MACROD2: variants seen among roughly 807,000 people sequenced by gnomAD.
MACROD2 encodes the protein ADP-ribose glycohydrolase MACROD2.
Under a neutral mutation model 70.4 loss-of-function variants are expected in MACROD2, and 36 were observed. That is an observed-to-expected ratio of 0.51 (90% CI 0.39 to 0.68). The LOEUF (loss-of-function observed/expected upper bound fraction) is 0.68. Among genes scored for constraint, MACROD2 ranks in the 30% least tolerant of loss-of-function variants. MACROD2 has a pLI of 0.00. For synonymous variants in MACROD2, 172 were observed against 178.8 expected, an observed-to-expected ratio of 0.96 and a Z score of 0.30; for missense variants, 496 against 538.4, an observed-to-expected ratio of 0.92 and a Z score of 0.78.
At position 15,876,200 on chromosome 20, in the gene MACROD2, G is replaced by A. The variant is rs145812522; in HGVS notation, c.728-9564G>A. Among the ~76,000 whole-genome samples the A allele has an allele frequency of 3.7e-4, 55 of 149,890 alleles. 2 individuals are homozygous for A. The highest frequency in any genetic ancestry group is 5.0e-4 in the Non-Finnish European group (34 of 67,748). On this transcript the variant is annotated intron_variant, in intron 9 of 17. Transcript: ENST00000684519. Reference sequence around the variant, plus strand: ...TACATATGTATACATGTGCCATGTCGGTGTGCTGCACCCATTAACTCGTCA... The same window carrying A: ...TACATATGTATACATGTGCCATGTCAGTGTGCTGCACCCATTAACTCGTCA...
intron 3 of MACROD2, among the ~76,000 whole-genome samples, chr20:14,363,989 A>C (rs1372088683): frequency 6.6e-6 from 1 of 152,122 alleles, no homozygotes; most frequent in Non-Finnish European, 1.5e-5. Flanking sequence ...TGCCTTGGCC[A>C]CACCCTGTAC....
intron 10 of MACROD2, among the ~76,000 whole-genome samples, chr20:15,892,437 A>T (rs1182534678): frequency 6.6e-6 from 1 of 152,240 alleles, no homozygotes. Context: ...GGACATACAG[A>T]AGTTGTTTAG....
intron 6 of MACROD2, among the ~76,000 whole-genome samples, chr20:15,269,162 C>G (rs2077323557): frequency 6.6e-6 from 1 of 152,228 alleles, no homozygotes; most frequent in Admixed American, 6.5e-5. Context: ...CTCTGTGGGA[C>G]ACACATGGAA....
intron 5 of MACROD2, among the ~76,000 whole-genome samples, chr20:14,989,573 G>A (rs1057119100): frequency 2.6e-5 from 4 of 152,182 alleles, no homozygotes; most frequent in Non-Finnish European, 5.9e-5. Context: ...CTGTAACCAA[G>A]GGGTAGAAGA....
At chr20:15,278,178 G>A (rs1254368335) in intron 6 of MACROD2, among the ~76,000 whole-genome samples, 2 of 152,168 alleles carry the variant, frequency 1.3e-5, no homozygotes, top group East Asian at 3.8e-4. Flanking sequence ...CTGAGCTATG[G>A]AGTTCTGAAG....
At chr20:15,195,709 G>A (rs1385043214) in intron 5 of MACROD2, among the ~76,000 whole-genome samples, 1 of 152,134 alleles carries the variant, frequency 6.6e-6, no homozygotes, top group African/African-American at 2.4e-5. Flanking sequence ...ATACCATTTG[G>A]CCGAGCAAAC....
intron 8 of MACROD2, among the ~76,000 whole-genome samples, chr20:15,706,591 T>C (rs1784534279): frequency 6.6e-6 from 1 of 152,210 alleles, no homozygotes; most frequent in African/African-American, 2.4e-5. Flanking sequence ...GATTCTCTCA[T>C]AGAAAAGGAA....
At chr20:15,377,476 A>C (rs954812539) in intron 6 of MACROD2, among the ~76,000 whole-genome samples, 4 of 152,190 alleles carry the variant, frequency 2.6e-5, no homozygotes, top group African/African-American at 9.7e-5. Context: ...ATTATGGAGG[A>C]ATTAGTTTTT....
At position 14,644,335 on chromosome 20, in the gene MACROD2, C is replaced by G. The variant is rs1985258461; in HGVS notation, c.302-40508C>G. The stretch of plus-strand genomic sequence containing the variant: ...TGTGATCAAAAATGTGAGTGCCAAT[C>G]TTCAAAAGCCCATTTCAAAGCTTGT... On this transcript the variant is annotated intron_variant, in intron 4 of 17. Coordinates refer to ENST00000684519, the MANE Select transcript of MACROD2 (RefSeq NM_001351661.2). 1.3e-5 allele frequency among the ~76,000 whole-genome samples: 2 copies of G among 152,176 alleles called. 1 individual carries two copies. The highest frequency in any genetic ancestry group is 4.1e-4 in the South Asian group (2 of 4,824).
chr20:14,682,753 T>A (rs1183528828), intron 4 of MACROD2, among the ~76,000 whole-genome samples: 1 of 152,198 alleles, frequency 6.6e-6, no homozygotes, highest in East Asian at 1.9e-4. Flanking sequence ...GTGACATCCT[T>A]GTATACGTAT....
intron 5 of MACROD2, among the ~76,000 whole-genome samples, chr20:14,959,906 C>A (rs1169495793): frequency 1.3e-5 from 2 of 152,162 alleles, no homozygotes. Flanking sequence ...AAGAGGTAGC[C>A]TTAGGCCTAG....
chr20:13,995,914 G>A lies in MACROD2; in HGVS notation c.46+105G>A, dbSNP rs2052633874. The A allele has an allele frequency of 5.2e-6, 7 of 1,353,458 alleles. No homozygotes were observed. The highest frequency in any genetic ancestry group is 6.2e-6 in the Non-Finnish European group (6 of 973,764). 83.8% of individuals were successfully genotyped at this position (1,353,458 alleles called of 1,614,324 possible). A position where few individuals can be genotyped will look rare whatever the true frequency, so the allele number is the denominator to read the frequency against. On this transcript the variant is annotated intron_variant, in intron 1 of 17. Transcript: ENST00000684519. The surrounding 1 kb of genome is among the most constrained non-coding windows in gnomAD (Gnocchi z 4.3). ...CGCCCTCCGCCCGAGCTCCCGCCTCGCGCCCTCCCGGCCGGTGCCGCCTCC... is the reference window on the plus strand; with the variant it reads ...CGCCCTCCGCCCGAGCTCCCGCCTCACGCCCTCCCGGCCGGTGCCGCCTCC...
At chr20:14,983,615 C>T (rs569412552) in intron 5 of MACROD2, among the ~76,000 whole-genome samples, 10 of 152,194 alleles carry the variant, frequency 6.6e-5, no homozygotes, top group South Asian at 6.2e-4. Context: ...TGTCTGTCAC[C>T]GTGTGAGATG....
chr20:15,282,415 C>T (rs6079725), intron 6 of MACROD2, among the ~76,000 whole-genome samples: 10,058 of 152,262 alleles, frequency 0.066, 426 homozygotes, highest in African/African-American at 0.12. Flanking sequence ...TTCCAAACCA[C>T]ATCTTTGTGA....
intron 4 of MACROD2, among the ~76,000 whole-genome samples, chr20:14,606,541 C>T (rs1420721137): frequency 2.6e-5 from 4 of 152,154 alleles, no homozygotes; most frequent in Non-Finnish European, 5.9e-5. Context: ...GCAGGAGTTG[C>T]TGGGATTCTG....
intron 7 of MACROD2, among the ~76,000 whole-genome samples, chr20:15,448,991 A>G (rs2046605257): frequency 6.6e-6 from 1 of 152,142 alleles, no homozygotes; most frequent in Non-Finnish European, 1.5e-5. Context: ...CAAACTATCT[A>G]ATGATCACTG....
chr20:15,904,860 G>A (rs1275548312), intron 10 of MACROD2, among the ~76,000 whole-genome samples: 2 of 137,938 alleles, frequency 1.4e-5, no homozygotes, highest in African/African-American at 2.8e-5. Context: ...CAGCCTGCGC[G>A]AAAGAGAGAG....
chr20:15,592,127 T>A (rs1456908070), intron 8 of MACROD2, among the ~76,000 whole-genome samples: 5 of 152,226 alleles, frequency 3.3e-5, no homozygotes, highest in Admixed American at 6.5e-5. Context: ...TTGTCCAGTT[T>A]CTAAAACTTC....
chr20:15,102,525 C>A (rs1238478829), intron 5 of MACROD2, among the ~76,000 whole-genome samples: 2 of 151,884 alleles, frequency 1.3e-5, no homozygotes, highest in African/African-American at 4.8e-5. Flanking sequence ...GTCATGAAAT[C>A]AATTTTTAAT....
Sources: gnomAD v4.1 joint callset for allele counts (sites outside exome capture counted in the v4.1 genomes callset) on GRCh38, gnomAD v4.1.1 for gene constraint, Gnocchi (gnomAD v3.1) non-coding constraint, MANE v1.5 for transcripts, NCBI Gene and HGNC (gene_info 2026-07-23, HGNC 2026-07-21) for gene names.